DCLRE1C: variants seen among roughly 807,000 people sequenced by gnomAD.
DCLRE1C encodes the protein protein artemis.
In DCLRE1C, 47 loss-of-function variants were observed where a neutral mutation model predicts 61.4. The ratio of observed to expected loss-of-function variants is 0.77; its 90% confidence interval spans 0.61 to 0.98. The LOEUF is 0.98. Among genes scored for constraint, DCLRE1C ranks in the 50% least tolerant of loss-of-function variants. The probability of loss-of-function intolerance (pLI) is 0.00; values close to 1 mark genes in which losing one functional copy is unlikely to be tolerated. For missense variants in DCLRE1C, 858 were observed against 816.0 expected (o/e 1.05, Z -0.63); for synonymous variants, 337 against 287.6 (o/e 1.17, Z -1.74).
rs573018041 is a variant in DCLRE1C at position 14,934,301 on chromosome 10, C to A, written c.678+79G>T. Reference sequence around the variant, plus strand: ...CGAGGTCGCGTCACTACACTCCAGCCTGGGCAACATAGCAAGACTCCCTCT... The same window carrying A: ...CGAGGTCGCGTCACTACACTCCAGCATGGGCAACATAGCAAGACTCCCTCT... On this transcript the variant is annotated intron_variant, in intron 8 of 13. Coordinates refer to ENST00000378278, the MANE Select transcript of DCLRE1C (RefSeq NM_001033855.3). 1.1e-4 allele frequency: 167 copies of A among 1,572,838 alleles called. No homozygotes were observed. The African/African-American group carries it at 2.2e-3, about 20-fold the overall frequency.
At chr10:14,927,093 T>A (rs1343198167) in intron 10 of DCLRE1C, among the ~76,000 whole-genome samples, 196 bp from the exon 11 acceptor site, 1 of 152,172 alleles carries the variant, frequency 6.6e-6, no homozygotes, top group Non-Finnish European at 1.5e-5. Flanking sequence ...AGTGGAAACC[T>A]GTTGTAGACC....
intron 11 of DCLRE1C, among the ~76,000 whole-genome samples, chr10:14,923,860 G>A (rs1426302256): frequency 2.6e-5 from 4 of 152,180 alleles, no homozygotes; most frequent in African/African-American, 7.2e-5. Context: ...TCAAGCACTG[G>A]AGGGAGCAAT....
rs760292491 is a variant in DCLRE1C, at chr10:14,908,692, T to C, written c.1795A>G (p.Lys599Glu). ...CTTTTCAAATCAGAGTAAGTATCCT[T>C]TGGGCAAATTACATTTTGTTCCATG... Reference protein sequence around the residue: ...SLMEQNVICPKDTYSDLKSRD... With the variant: ...SLMEQNVICPEDTYSDLKSRD... The change falls in exon 14 of 14, where the codon AAG becomes GAG. Residue 599 changes from lysine (K) to glutamate (E), a missense_variant. Physicochemically the swap from Lys to Glu is moderately conservative, Grantham distance 56. Around this residue, in one of 2 missense-constraint regions of DCLRE1C, gnomAD observed 843 missense variants for 783.5 expected, o/e 1.08. Coordinates refer to ENST00000378278, the MANE Select transcript of DCLRE1C (RefSeq NM_001033855.3). 7 of 1,614,234 alleles carry C rather than the reference T, an allele frequency of 4.3e-6. No individual in the cohort carries two copies. The highest frequency in any genetic ancestry group is 5.9e-6 in the Non-Finnish European group (7 of 1,180,036).
At chr10:14,954,291 CAG>C, upstream of DCLRE1C, 1 of 543,988 alleles carries the variant, frequency 1.8e-6, no homozygotes, top group East Asian at 3.3e-5. Context: ...CCAACAAACA[CAG>C]GTGTTGCTCT....
At chr10:14,939,587 A>G (rs1443761261) in intron 4 of DCLRE1C, among the ~76,000 whole-genome samples, 1 of 152,184 alleles carries the variant, frequency 6.6e-6, no homozygotes, top group Non-Finnish European at 1.5e-5. Flanking sequence ...TTGTGAGTCC[A>G]GCCCAAATGG....
At chr10:14,946,616 T>C (rs986455163) in intron 2 of DCLRE1C, among the ~76,000 whole-genome samples, 12 of 152,104 alleles carry the variant, frequency 7.9e-5, no homozygotes, top group African/African-American at 2.9e-4. Flanking sequence ...TTTTTAACCC[T>C]GAGTCTCCAT....
chr10:14,923,979 A>G (rs780258154), intron 11 of DCLRE1C, among the ~76,000 whole-genome samples: 34 of 152,338 alleles, frequency 2.2e-4, no homozygotes, highest in Non-Finnish European at 3.7e-4. Flanking sequence ...ACCTGCCTAC[A>G]TGCAACCCTC....
chr10:14,946,123 CTT>C (rs1171086885), intron 2 of DCLRE1C, among the ~76,000 whole-genome samples: 32 of 151,598 alleles, frequency 2.1e-4, no homozygotes, highest in Admixed American at 2.1e-3. Context: ...ATTCTCCTGT[CTT>C]AGCCTCTTGA....
rs993200207 is a variant in DCLRE1C at position 14,906,667 on chromosome 10, C to T, written c.*1741G>A. ...ATTGCCATGCAGCATCATGATAATG[C>T]ATATCAAGTGTTAGTTTAACTGATC... On this transcript the variant is annotated 3_prime_UTR_variant, in exon 14 of 14. Transcript: ENST00000378278. 3.9e-5 allele frequency among the ~76,000 whole-genome samples: 6 copies of T among 152,300 alleles called. No homozygotes were observed. Among genetic ancestry groups the T allele is most frequent in the Admixed American group, 3.9e-4 (6 of 15,290 alleles).
rs781185211 is a variant in DCLRE1C, at chr10:14,945,174, T to C, written c.177A>G (p.Leu59=). The C allele has an allele frequency of 2.5e-5, 40 of 1,612,752 alleles. No individual in the cohort carries two copies. Among genetic ancestry groups the C allele is most frequent in the African/African-American group, 1.5e-4 (11 of 74,856 alleles). Residue 59 remains leucine (L), a synonymous_variant, in exon 3 of 14, where the codon CTA becomes CTG. Coordinates refer to ENST00000378278, the MANE Select transcript of DCLRE1C (RefSeq NM_001033855.3). ...ACTCCTTAGTCACAGGTGAACAGTATAGATAAACCTTCAAGCTGAAAGGAA... is the reference window on the plus strand; with the variant it reads ...ACTCCTTAGTCACAGGTGAACAGTACAGATAAACCTTCAAGCTGAAAGGAA... ...RRLECSLKVY[L]YCSPVTKELL...
rs183824593 is a variant in DCLRE1C, at chr10:14,937,881, A to G, written c.307-1288T>C. On this transcript the variant is annotated intron_variant, in intron 4 of 13. Coordinates refer to ENST00000378278, the MANE Select transcript of DCLRE1C (RefSeq NM_001033855.3). ...TGCACTCCAGCCTGGGCGACAGAGT[A>G]AGGCTCAGTCTCAAAAAAAAAAAAA... is the stretch of plus-strand genomic sequence containing the variant. Among the ~76,000 whole-genome samples the G allele has an allele frequency of 9.7e-3, 1,444 of 148,234 alleles. 11 individuals are homozygous for G. Among genetic ancestry groups the G allele is most frequent in the African/African-American group, 0.032 (1,266 of 39,944 alleles).
chr10:14,914,918 G>A (rs1835911698), intron 13 of DCLRE1C, among the ~76,000 whole-genome samples: 1 of 150,748 alleles, frequency 6.6e-6, no homozygotes, highest in Non-Finnish European at 1.5e-5. Flanking sequence ...CCAGCCTGGG[G>A]AACAGAGAGA....
chr10:14,944,486 G>A (rs1263650283), intron 3 of DCLRE1C, among the ~76,000 whole-genome samples: 3 of 151,860 alleles, frequency 2.0e-5, no homozygotes, highest in Admixed American at 6.6e-5. Context: ...GCAGCAGAGC[G>A]AGACTCCATC....
Position 14,932,472 on chromosome 10 carries a change from T to C in DCLRE1C, c.780+382A>G, listed in dbSNP as rs1839175061. Reference sequence around the variant, plus strand: ...CTAACATGGCTAACCTCGTCTGTAGTAAAAATAACAAAAAATTAGCCGTGC... The same window carrying C: ...CTAACATGGCTAACCTCGTCTGTAGCAAAAATAACAAAAAATTAGCCGTGC... On this transcript the variant is annotated intron_variant, in intron 9 of 13. Transcript: ENST00000378278. Among the ~76,000 whole-genome samples the C allele has an allele frequency of 2.0e-5, 3 of 151,314 alleles. No individual in the cohort carries two copies. In the South Asian group the frequency reaches 6.3e-4, roughly 32 times the overall value.
At chr10:14,917,393 T>A (rs1447287133) in intron 13 of DCLRE1C, among the ~76,000 whole-genome samples, 2 of 151,998 alleles carry the variant, frequency 1.3e-5, no homozygotes, top group Admixed American at 1.3e-4. Flanking sequence ...TCACTTAAAA[T>A]TTAAAATTTC....
chr10:14,921,037 G>A (rs894630450), intron 12 of DCLRE1C, among the ~76,000 whole-genome samples: 24 of 151,006 alleles, frequency 1.6e-4, no homozygotes, highest in African/African-American at 4.6e-4. Context: ...CAAGCACCTC[G>A]GCTGGGCACG....
At chr10:14,904,561 A>T (rs1234972319), downstream of DCLRE1C, among the ~76,000 whole-genome samples, 1 of 152,132 alleles carries the variant, frequency 6.6e-6, no homozygotes, top group Non-Finnish European at 1.5e-5. Context: ...TGTGTTCAAC[A>T]AAAGTGTAAA....
Position 14,908,547 on chromosome 10 carries a change from C to T in DCLRE1C, c.1940G>A (p.Ser647Asn), listed in dbSNP as rs754338151. The T allele has an allele frequency of 1.2e-6, 2 of 1,613,968 alleles. No homozygotes were observed. The highest frequency in any genetic ancestry group is 1.7e-6 in the Non-Finnish European group (2 of 1,180,040). The change falls in exon 14 of 14, where the codon AGC becomes AAC. Residue 647 changes from serine to asparagine, a missense_variant. Transcript: ENST00000378278. ...TGAGGGAACTTCAAAATCAGAAGAG[C>T]TCTGGGAATCTGCATTTGTGCTAAG... ...LNLSTNADSQSSSDFEVPSTP... is the reference protein window; with the variant it reads ...LNLSTNADSQNSSDFEVPSTP...
At chr10:14,945,847 G>A (rs554343266) in intron 2 of DCLRE1C, among the ~76,000 whole-genome samples, 2 of 151,124 alleles carry the variant, frequency 1.3e-5, no homozygotes, top group East Asian at 1.9e-4. Flanking sequence ...TTGTAGAGAT[G>A]GAGTTTGACC....
Sources: allele counts gnomAD v4.1 joint callset (sites outside exome capture counted in the v4.1 genomes callset), GRCh38; gene constraint gnomAD v4.1.1; regional missense constraint gnomAD v4.1.1; transcripts MANE v1.5; gene names NCBI Gene and HGNC (gene_info 2026-07-23, HGNC 2026-07-21).